Variants in TMEM163 observed in about 807,000 individuals in gnomAD.
The protein encoded by TMEM163 is transmembrane protein 163.
In TMEM163, 17 loss-of-function variants were observed where a neutral mutation model predicts 29.3. That is an observed-to-expected ratio of 0.58 (90% CI 0.40 to 0.87). The LOEUF is 0.87. Among genes scored for constraint, TMEM163 ranks in the 40% least tolerant of loss-of-function variants. The pLI is 0.00. For missense variants in TMEM163, 303 were observed against 381.5 expected (o/e 0.79, Z 1.71); for synonymous variants, 157 against 160.6 (o/e 0.98, Z 0.17).
At chr2:134,506,729 C>G (rs1679832487) in intron 4 of TMEM163, among the ~76,000 whole-genome samples, 1 of 152,216 alleles carries the variant, frequency 6.6e-6, no homozygotes, top group Non-Finnish European at 1.5e-5. Context: ...CTCCAGGATG[C>G]TGTGAAGATT....
chr2:134,500,439 T>C (rs1353454231), intron 5 of TMEM163, among the ~76,000 whole-genome samples: 1 of 152,204 alleles, frequency 6.6e-6, no homozygotes, highest in Non-Finnish European at 1.5e-5. Context: ...CCTCTGGAGA[T>C]GGGAGCTCAC....
intron 4 of TMEM163, among the ~76,000 whole-genome samples, chr2:134,503,989 G>A (rs1679760276): frequency 6.6e-6 from 1 of 152,198 alleles, no homozygotes; most frequent in Non-Finnish European, 1.5e-5. Flanking sequence ...ACTACAGTGA[G>A]GTTGAGATCA....
intron 2 of TMEM163, among the ~76,000 whole-genome samples, chr2:134,606,170 A>G (rs548159951): frequency 6.6e-6 from 1 of 152,232 alleles, no homozygotes; most frequent in East Asian, 1.9e-4. Context: ...TTCTAAACAC[A>G]GCACGTAATG....
intron 5 of TMEM163, among the ~76,000 whole-genome samples, chr2:134,480,290 C>CCA (rs1687019793): frequency 6.6e-6 from 1 of 152,142 alleles, no homozygotes; most frequent in Admixed American, 6.6e-5. Flanking sequence ...TTTGCACATG[C>CCA]CACTCTCTCT....
intron 5 of TMEM163, chr2:134,466,715 C>T (rs1686676935): frequency 6.5e-6 from 1 of 154,726 alleles, no homozygotes; most frequent in African/African-American, 2.4e-5. Flanking sequence ...TATTTTTTCC[C>T]CTTAAATTCA....
chr2:134,637,320 T>C (rs116015866), intron 2 of TMEM163, among the ~76,000 whole-genome samples: 10 of 152,272 alleles, frequency 6.6e-5, no homozygotes, highest in African/African-American at 2.4e-4. Flanking sequence ...GTCTACATGG[T>C]CCCCACTCAT....
intron 5 of TMEM163, among the ~76,000 whole-genome samples, chr2:134,476,094 GGAAT>G (rs1686906597): frequency 6.6e-6 from 1 of 152,146 alleles, no homozygotes; most frequent in Middle Eastern, 3.2e-3. Context: ...ACTGGTGAAT[GGAAT>G]AACAAACTGT....
chr2:134,698,195 A>T (rs1684621267), intron 2 of TMEM163, among the ~76,000 whole-genome samples: 1 of 152,232 alleles, frequency 6.6e-6, no homozygotes, highest in African/African-American at 2.4e-5. Flanking sequence ...TGTGACAAAC[A>T]GAAGTGTCTC....
At chr2:134,628,005 T>C (rs1173842868) in intron 2 of TMEM163, among the ~76,000 whole-genome samples, 1 of 152,186 alleles carries the variant, frequency 6.6e-6, no homozygotes, top group African/African-American at 2.4e-5. Flanking sequence ...TCAATCAGAT[T>C]AGAAATGATA....
chr2:134,587,962 C>T (rs979187485), intron 2 of TMEM163, among the ~76,000 whole-genome samples: 2 of 152,244 alleles, frequency 1.3e-5, no homozygotes, highest in Non-Finnish European at 2.9e-5. Flanking sequence ...TAAATCACCA[C>T]ATCCAAAGGG....
intron 6 of TMEM163, among the ~76,000 whole-genome samples, chr2:134,463,701 C>T (rs535039329): frequency 9.9e-5 from 15 of 152,238 alleles, no homozygotes; most frequent in South Asian, 6.2e-4. Context: ...GTTGCAACCA[C>T]GTTTTGGGGA....
At chr2:134,543,131 A>G (rs1680713116) in intron 4 of TMEM163, among the ~76,000 whole-genome samples, 1 of 151,920 alleles carries the variant, frequency 6.6e-6, no homozygotes, top group African/African-American at 2.4e-5. Flanking sequence ...CATAACAGGA[A>G]CCAAGCCTAC....
chr2:134,622,612 A>G (rs1682764402), intron 2 of TMEM163, among the ~76,000 whole-genome samples: 2 of 152,212 alleles, frequency 1.3e-5, no homozygotes, highest in African/African-American at 2.4e-5. Flanking sequence ...TGCAGCACAG[A>G]CAGGTCTATG....
At chr2:134,637,354 G>A (rs1319488887) in intron 2 of TMEM163, among the ~76,000 whole-genome samples, 96 of 152,196 alleles carry the variant, frequency 6.3e-4, no homozygotes, top group Non-Finnish European at 7.3e-5. Context: ...GTGTGGGTGT[G>A]CCTGAGTGTG....
intron 2 of TMEM163, among the ~76,000 whole-genome samples, chr2:134,636,857 T>C (rs1171577568): frequency 6.6e-6 from 1 of 152,178 alleles, no homozygotes; most frequent in African/African-American, 2.4e-5. Flanking sequence ...ATAAACTGGC[T>C]CCTCTGGTCT....
chr2:134,642,830 G>A (rs1168608672), intron 2 of TMEM163, among the ~76,000 whole-genome samples: 2 of 152,038 alleles, frequency 1.3e-5, no homozygotes, highest in African/African-American at 4.8e-5. Context: ...AATGAAAATA[G>A]AGCATATTAA....
chr2:134,676,271 C>G (rs1227949120), intron 2 of TMEM163, among the ~76,000 whole-genome samples: 1 of 152,172 alleles, frequency 6.6e-6, no homozygotes, highest in African/African-American at 2.4e-5. Flanking sequence ...CCAGCCCACT[C>G]CAGTGCACTA....
intron 5 of TMEM163, 195 bp from the exon 6 acceptor site, chr2:134,466,420 T>A (rs1686670601): frequency 1.8e-6 from 1 of 561,954 alleles, no homozygotes; most frequent in South Asian, 2.2e-5. Context: ...CAAAAACAGA[T>A]AATCCCAATT....
intron 5 of TMEM163, among the ~76,000 whole-genome samples, chr2:134,501,387 A>G (rs946226758): frequency 1.3e-5 from 2 of 152,204 alleles, no homozygotes; most frequent in African/African-American, 4.8e-5. Flanking sequence ...GGAGAATAAC[A>G]AGGAGAGCCA....
Sources: gnomAD v4.1 joint callset for allele counts (sites outside exome capture counted in the v4.1 genomes callset) on GRCh38, gnomAD v4.1.1 for gene constraint, MANE v1.5 for transcripts, NCBI Gene and HGNC (gene_info 2026-07-23, HGNC 2026-07-21) for gene names.